The following SCN1A variants were observed in gnomAD, a reference collection of about 807,000 sequenced individuals.
The protein encoded by SCN1A is sodium channel protein type 1 subunit alpha.
SCN1A carries 13 observed loss-of-function variants against 193.7 expected under a neutral mutation model. The ratio of observed to expected loss-of-function variants is 0.07; its 90% confidence interval spans 0.04 to 0.11. SCN1A has a LOEUF of 0.11. SCN1A is among the 10% of genes least tolerant of loss of function. The probability of loss-of-function intolerance (pLI) is 1.00; values close to 1 mark genes in which losing one functional copy is unlikely to be tolerated. For missense variants in SCN1A, 1,432 were observed against 2,451.1 expected (o/e 0.58, Z 8.78); for synonymous variants, 781 against 843.6 (o/e 0.93, Z 1.29).
Position 165,990,727 on chromosome 2 carries a change from A to T in SCN1A, c.*518T>A, listed in dbSNP as rs1689013229. The T allele has an allele frequency of 6.4e-6, 1 of 157,042 alleles. No homozygotes were observed. Among genetic ancestry groups the T allele is most frequent in the Non-Finnish European group, 1.4e-5 (1 of 70,674 alleles). 9.7% of individuals were successfully genotyped at this position (157,042 alleles called of 1,614,324 possible). A position where few individuals can be genotyped will look rare whatever the true frequency, so the allele number is the denominator to read the frequency against. On this transcript the variant is annotated 3_prime_UTR_variant, in exon 29 of 29. Coordinates refer to ENST00000674923, the MANE Select transcript of SCN1A (RefSeq NM_001165963.4). ...TAGCTGGGAGGGCCATGTGGTTGCCATACCCCCCAGGTGGCATACCTGTTA... is the reference window on the plus strand; with the variant it reads ...TAGCTGGGAGGGCCATGTGGTTGCCTTACCCCCCAGGTGGCATACCTGTTA...
At chr2:166,095,693 C>T (rs1275476403) in intron 2 of SCN1A, among the ~76,000 whole-genome samples, 2 of 152,272 alleles carry the variant, frequency 1.3e-5, no homozygotes, top group Non-Finnish European at 2.9e-5. Context: ...TACACGCTAA[C>T]CAAACTTGAC....
At chr2:166,019,898 A>G (rs533581824) in intron 19 of SCN1A, among the ~76,000 whole-genome samples, 2 of 148,908 alleles carry the variant, frequency 1.3e-5, no homozygotes, top group South Asian at 4.3e-4. Flanking sequence ...CTGTATGTTA[A>G]TCAAGGTGAA....
At chr2:166,069,043 G>C (rs1214156456) in intron 4 of SCN1A, among the ~76,000 whole-genome samples, 1 of 152,072 alleles carries the variant, frequency 6.6e-6, no homozygotes. Flanking sequence ...ATCAGCCCAA[G>C]CTATGAAAGG....
chr2:166,014,319 A>G (rs1482379493), intron 20 of SCN1A, among the ~76,000 whole-genome samples: 1 of 150,130 alleles, frequency 6.7e-6, no homozygotes, highest in Non-Finnish European at 1.5e-5. Context: ...TCTTCCAACA[A>G]TGCTGCATTT....
chr2:166,005,220 G>C (rs1487352554), intron 23 of SCN1A, among the ~76,000 whole-genome samples: 3 of 151,362 alleles, frequency 2.0e-5, no homozygotes, highest in African/African-American at 7.3e-5. Context: ...ACATACCAGA[G>C]AGCTTTGAAT....
chr2:165,995,999 T>C lies in SCN1A; in HGVS notation c.4581+14A>G, dbSNP rs1032688241. On this transcript the variant is annotated intron_variant, in intron 27 of 28. Coordinates refer to ENST00000674923, the MANE Select transcript of SCN1A (RefSeq NM_001165963.4). Reference sequence around the variant, plus strand: ...TTTTTGTATTTTTCCCCCATATCATTTGATACTTCTTACTCCTGGTCGAGG... The same window carrying C: ...TTTTTGTATTTTTCCCCCATATCATCTGATACTTCTTACTCCTGGTCGAGG... 7.2e-6 allele frequency: 11 copies of C among 1,535,740 alleles called. No individual in the cohort carries two copies. The highest frequency in any genetic ancestry group is 1.7e-5 in the Admixed American group (1 of 59,608).
upstream of SCN1A, among the ~76,000 whole-genome samples, chr2:166,132,192 G>A (rs953093028): frequency 2.6e-5 from 4 of 152,166 alleles, no homozygotes; most frequent in Non-Finnish European, 4.4e-5. Context: ...GATAGCAAAT[G>A]CTAGAGTTTG....
intron 2 of SCN1A, among the ~76,000 whole-genome samples, chr2:166,096,724 C>T (rs574158208): frequency 1.3e-5 from 2 of 152,290 alleles, no homozygotes; most frequent in South Asian, 4.1e-4. Context: ...ATTGATCTGA[C>T]AATTTCTTTT....
At chr2:165,994,448 A>G (rs770851473) in intron 27 of SCN1A, 32 bp from the exon 28 acceptor site, 9 of 1,608,732 alleles carry the variant, frequency 5.6e-6, no homozygotes, top group Non-Finnish European at 6.0e-6. Context: ...TTTAACAACA[A>G]AGGAGTTTTC....
intron 2 of SCN1A, among the ~76,000 whole-genome samples, chr2:166,121,127 A>G (rs188644792): frequency 6.6e-6 from 1 of 151,694 alleles, no homozygotes; most frequent in East Asian, 1.9e-4. Context: ...AGAAAAAAAA[A>G]AAAAAAGAAA....
At chr2:166,069,864 A>C (rs940314632) in intron 4 of SCN1A, among the ~76,000 whole-genome samples, 1 of 152,172 alleles carries the variant, frequency 6.6e-6, no homozygotes, top group Non-Finnish European at 1.5e-5. Flanking sequence ...TCGTCCTAAT[A>C]AACATTTTCC....
At chr2:166,028,540 T>C (rs1297373110) in intron 19 of SCN1A, among the ~76,000 whole-genome samples, 2 of 152,210 alleles carry the variant, frequency 1.3e-5, no homozygotes, top group South Asian at 2.1e-4. Context: ...ACTGGTTTTA[T>C]GGACTTTAAC....
intron 19 of SCN1A, among the ~76,000 whole-genome samples, chr2:166,028,134 T>A (rs1695053312): frequency 6.6e-6 from 1 of 152,156 alleles, no homozygotes; most frequent in Non-Finnish European, 1.5e-5. Flanking sequence ...TATACTACTC[T>A]GAATTTTGCT....
At chr2:165,985,196 G>C (rs1461645210), downstream of SCN1A, 1 of 151,864 alleles carries the variant, frequency 6.6e-6, no homozygotes, top group Non-Finnish European at 1.5e-5. Flanking sequence ...AAGTCATGGA[G>C]CAAGGTATCT....
At chr2:166,042,173 G>T in intron 15 of SCN1A, 119 bp downstream of exon 15, 2 of 978,876 alleles carry the variant, frequency 2.0e-6, no homozygotes, top group South Asian at 3.2e-5. Context: ...AACAGCTCTT[G>T]AATTAGACTG....
intron 2 of SCN1A, among the ~76,000 whole-genome samples, chr2:166,079,558 C>T (rs995498716): frequency 2.0e-5 from 3 of 150,190 alleles, no homozygotes; most frequent in East Asian, 1.9e-4. Context: ...GTGATCATTA[C>T]GACAATCACC....
chr2:166,136,366 G>A (rs1040804665), intron 1 of SCN1A, among the ~76,000 whole-genome samples: 4 of 152,036 alleles, frequency 2.6e-5, no homozygotes, highest in Non-Finnish European at 5.9e-5. Flanking sequence ...GAAACTCAGC[G>A]ATCATTTGCT....
In SCN1A at chr2:166,038,098, G is replaced by A. The variant is rs121918623; in HGVS notation, c.2624C>T (p.Thr875Met). Residue 875 changes from threonine (T) to methionine (M), a missense_variant, in exon 18 of 29, where the codon ACG becomes ATG. This residue lies in a region of SCN1A where 93 missense variants were observed against 260.4 expected (regional missense o/e 0.36). Coordinates refer to ENST00000674923, the MANE Select transcript of SCN1A (RefSeq NM_001165963.4). ...RVFKLAKSWP[T>M]LNMLIKIIGN... ...GATGATCTTTATTAGCATATTTAAC[G>A]TTGGCCAAGATTTTGCCAACTTGAA... is the stretch of plus-strand genomic sequence containing the variant. 2 of 1,613,024 alleles carry A rather than the reference G, an allele frequency of 1.2e-6. No homozygotes were observed. The highest frequency in any genetic ancestry group is 1.7e-6 in the Non-Finnish European group (2 of 1,179,242).
At chr2:166,072,837 C>CTTTTTTTT (rs796420549) in intron 4 of SCN1A, among the ~76,000 whole-genome samples, 11 of 119,440 alleles carry the variant, frequency 9.2e-5, no homozygotes, top group African/African-American at 2.2e-4. Flanking sequence ...TCTCTTCTTT[C>CTTTTTTTT]TTTTTTTTTT....
Sources: allele counts gnomAD v4.1 joint callset (sites outside exome capture counted in the v4.1 genomes callset), GRCh38; gene constraint gnomAD v4.1.1; regional missense constraint gnomAD v4.1.1; transcripts MANE v1.5; gene names NCBI Gene and HGNC (gene_info 2026-07-23, HGNC 2026-07-21).